KRABD5: variants seen among roughly 807,000 people sequenced by gnomAD.
KRABD5 encodes KRAB domain containing 5.
chr16:31,720,088 A>G, the KRABD5 span, among the ~76,000 whole-genome samples: 1 of 151,966 alleles, frequency 6.6e-6, no homozygotes, highest in Non-Finnish European at 1.5e-5. Context: ...AACTCACACC[A>G]TGTGATGTTG....
chr16:31,740,963 CCTTG>C, the KRABD5 span, among the ~76,000 whole-genome samples: 1 of 152,036 alleles, frequency 6.6e-6, no homozygotes, highest in African/African-American at 2.4e-5. Flanking sequence ...GTTTTTCAGC[CCTTG>C]CTTCCTTCCT....
the KRABD5 span, chr16:31,761,090 G>T: frequency 3.9e-5 from 6 of 152,128 alleles, no homozygotes; most frequent in Non-Finnish European, 8.8e-5. Flanking sequence ...CCTCTTAATA[G>T]ACTAGTTACT....
At chr16:31,756,815 G>A in the KRABD5 span, 1 of 152,086 alleles carries the variant, frequency 6.6e-6, no homozygotes, top group Non-Finnish European at 1.5e-5. Context: ...ATATACAGAT[G>A]TACTAAGATA....
chr16:31,743,639 G>A, the KRABD5 span, among the ~76,000 whole-genome samples: 1 of 151,906 alleles, frequency 6.6e-6, no homozygotes, highest in East Asian at 1.9e-4. Context: ...TAAAAGTAGT[G>A]TTTTTCTAAT....
At chr16:31,751,621 C>G in the KRABD5 span, among the ~76,000 whole-genome samples, 1 of 152,152 alleles carries the variant, frequency 6.6e-6, no homozygotes, top group Non-Finnish European at 1.5e-5. Flanking sequence ...GCAATGTCCC[C>G]TTTGTTGTTT....
chr16:31,744,101 TG>T, the KRABD5 span, among the ~76,000 whole-genome samples: 1 of 152,194 alleles, frequency 6.6e-6, no homozygotes, highest in Non-Finnish European at 1.5e-5. Flanking sequence ...TCTTCCTATT[TG>T]AATACCCTTT....
chr16:31,749,940 A>G, the KRABD5 span, among the ~76,000 whole-genome samples: 2 of 152,168 alleles, frequency 1.3e-5, no homozygotes, highest in African/African-American at 4.8e-5. Flanking sequence ...TGGTGACTGT[A>G]GGCTTATAGT....
At chr16:31,734,689 C>T in the KRABD5 span, among the ~76,000 whole-genome samples, 1 of 152,008 alleles carries the variant, frequency 6.6e-6, no homozygotes, top group Non-Finnish European at 1.5e-5. Context: ...ATTCCTCCCC[C>T]TTCAGTCTCT....
the KRABD5 span, among the ~76,000 whole-genome samples, chr16:31,731,904 G>A: frequency 6.6e-6 from 1 of 152,176 alleles, no homozygotes; most frequent in Non-Finnish European, 1.5e-5. Flanking sequence ...GAGGGTCTCT[G>A]TGTGGACAGG....
At chr16:31,759,569 A>G in the KRABD5 span, 12 of 717,030 alleles carry the variant, frequency 1.7e-5, no homozygotes, top group Non-Finnish European at 2.4e-5. Context: ...AAAAAATTAA[A>G]TGGGTGGGGG....
At chr16:31,758,155 G>C in the KRABD5 span, 2 of 151,996 alleles carry the variant, frequency 1.3e-5, no homozygotes, top group African/African-American at 4.8e-5. Flanking sequence ...AAGCCACAAA[G>C]AAAAAAGTGC....
chr16:31,744,635 CA>C, the KRABD5 span, among the ~76,000 whole-genome samples: 1 of 152,194 alleles, frequency 6.6e-6, no homozygotes, highest in Non-Finnish European at 1.5e-5. Flanking sequence ...ATGCTGGCTT[CA>C]TAAACTGAGT....
the KRABD5 span, among the ~76,000 whole-genome samples, chr16:31,744,540 G>A: frequency 6.6e-6 from 1 of 152,106 alleles, no homozygotes; most frequent in Non-Finnish European, 1.5e-5. Flanking sequence ...ATTTTATTGA[G>A]GGTTTTCACA....
the KRABD5 span, among the ~76,000 whole-genome samples, chr16:31,722,454 A>C: frequency 6.6e-6 from 1 of 152,212 alleles, no homozygotes; most frequent in African/African-American, 2.4e-5. Context: ...CTTTCCACAG[A>C]GTTAGAGAAT....
chr16:31,724,254 A>C, the KRABD5 span, among the ~76,000 whole-genome samples: 1 of 151,428 alleles, frequency 6.6e-6, no homozygotes, highest in Non-Finnish European at 1.5e-5. Context: ...CCACACTTGT[A>C]AATTATATAT....
At chr16:31,748,008 G>A in the KRABD5 span, among the ~76,000 whole-genome samples, 1 of 152,120 alleles carries the variant, frequency 6.6e-6, no homozygotes, top group African/African-American at 2.4e-5. Context: ...GATCCCATTT[G>A]TCAATTTTGT....
the KRABD5 span, among the ~76,000 whole-genome samples, chr16:31,746,904 G>A: frequency 4.6e-5 from 7 of 151,636 alleles, no homozygotes; most frequent in East Asian, 3.9e-4. Flanking sequence ...TGCCTGGTTC[G>A]TTTGGCCATT....
the KRABD5 span, among the ~76,000 whole-genome samples, chr16:31,753,293 A>G: frequency 2.0e-5 from 3 of 152,174 alleles, no homozygotes; most frequent in Non-Finnish European, 4.4e-5. Flanking sequence ...TTCTTGTAAC[A>G]AGCATTCATG....
chr16:31,727,926 A>G, the KRABD5 span, among the ~76,000 whole-genome samples: 4,606 of 152,248 alleles, frequency 0.03, 215 homozygotes, highest in African/African-American at 0.1. Flanking sequence ...CAGTGGCATG[A>G]TCATAACTCA....
Sources: gnomAD v4.1 joint callset for allele counts (sites outside exome capture counted in the v4.1 genomes callset) on GRCh38, gnomAD v4.1.1 for gene constraint, MANE v1.5 for transcripts, NCBI Gene and HGNC (gene_info 2026-07-23, HGNC 2026-07-21) for gene names.